The following FRMD4A variants were observed in gnomAD, a reference collection of about 807,000 sequenced individuals.
FRMD4A encodes FERM domain containing 4A.
A neutral mutation model predicts 129.1 loss-of-function variants in FRMD4A; 29 were observed. The ratio of observed to expected loss-of-function variants is 0.22; its 90% CI spans 0.17 to 0.31. FRMD4A has a LOEUF of 0.31. Ranked by LOEUF, FRMD4A falls within the 10% of genes least tolerant of loss-of-function variation. FRMD4A has a pLI of 1.00. For synonymous variants in FRMD4A, 634 were observed against 571.6 expected (o/e 1.11, Z -1.56); for missense variants, 1,272 against 1,375.8 (o/e 0.92, Z 1.19).
intron 2 of FRMD4A, among the ~76,000 whole-genome samples, chr10:14,032,929 A>G (rs1027884472): frequency 2.6e-5 from 4 of 152,222 alleles, no homozygotes; most frequent in Non-Finnish European, 5.9e-5. Context: ...GATATACCCA[A>G]GAGCAATTCA....
At chr10:14,073,962 T>G (rs1588913016) in intron 2 of FRMD4A, among the ~76,000 whole-genome samples, 1 of 152,054 alleles carries the variant, frequency 6.6e-6, no homozygotes, top group African/African-American at 2.4e-5. Context: ...AATACAAAAT[T>G]TAGCCAGGCA....
intron 12 of FRMD4A, chr10:13,729,532 C>G (rs1243235372): frequency 6.6e-6 from 1 of 152,226 alleles, no homozygotes; most frequent in Non-Finnish European, 1.5e-5. Flanking sequence ...ATTTTCCCTT[C>G]CTGTCTCATC....
chr10:13,968,952 C>T (rs1048426587), intron 2 of FRMD4A, among the ~76,000 whole-genome samples: 4 of 152,180 alleles, frequency 2.6e-5, no homozygotes, highest in Admixed American at 6.5e-5. Context: ...TGGCTCTTTC[C>T]TGTGAGACTA....
intron 6 of FRMD4A, among the ~76,000 whole-genome samples, chr10:13,774,202 G>T (rs1000095993): frequency 2.0e-5 from 3 of 152,110 alleles, no homozygotes; most frequent in Admixed American, 1.3e-4. Flanking sequence ...TTAATTTTCT[G>T]CAACTTGGAT....
At chr10:13,900,853 C>T (rs1329787467) in intron 2 of FRMD4A, among the ~76,000 whole-genome samples, 4 of 152,018 alleles carry the variant, frequency 2.6e-5, no homozygotes, top group African/African-American at 7.3e-5. Flanking sequence ...GCCTAGATCA[C>T]GCCACTGTAC....
intron 2 of FRMD4A, among the ~76,000 whole-genome samples, chr10:14,149,427 A>T (rs1285571072): frequency 6.6e-6 from 1 of 151,926 alleles, no homozygotes; most frequent in East Asian, 1.9e-4. Context: ...GTGGTCTTAA[A>T]CTCCTGGGCT....
intron 2 of FRMD4A, among the ~76,000 whole-genome samples, chr10:14,039,359 T>TGTCCGTCC (rs60914319): frequency 0.019 from 2,421 of 128,344 alleles, 49 homozygotes; most frequent in East Asian, 0.047. Context: ...CTTTCTGATC[T>TGTCCGTCC]GTCCGTCCGT....
chr10:13,714,039 T>TATATTTTATATAC (rs2088479716), intron 12 of FRMD4A, among the ~76,000 whole-genome samples: 1 of 2,428 alleles, frequency 4.1e-4, no homozygotes, highest in African/African-American at 1.3e-3. Context: ...TATATATATA[T>TATATTTTATATAC]ATATATATAT....
At chr10:13,896,864 C>T (rs967351098) in intron 2 of FRMD4A, among the ~76,000 whole-genome samples, 12 of 152,108 alleles carry the variant, frequency 7.9e-5, no homozygotes, top group Non-Finnish European at 7.4e-5. Flanking sequence ...GGTCTGTTCC[C>T]CGAAGAGCAG....
chr10:14,271,142 C>G (rs925536368), intron 2 of FRMD4A, among the ~76,000 whole-genome samples: 3 of 152,154 alleles, frequency 2.0e-5, no homozygotes, highest in African/African-American at 7.2e-5. Context: ...TGATGGCTCA[C>G]TTATCACCAA....
chr10:13,833,281 T>C (rs1040001842), intron 3 of FRMD4A, among the ~76,000 whole-genome samples: 3 of 152,202 alleles, frequency 2.0e-5, no homozygotes, highest in South Asian at 2.1e-4. Flanking sequence ...AAGTCTTACA[T>C]GGTGGCAGGC....
intron 2 of FRMD4A, among the ~76,000 whole-genome samples, chr10:13,935,685 CA>C (rs1371429266): frequency 1.3e-5 from 2 of 151,986 alleles, no homozygotes; most frequent in African/African-American, 4.8e-5. Context: ...GCCCTTTTTT[CA>C]GCACCTGCGA....
intron 2 of FRMD4A, among the ~76,000 whole-genome samples, chr10:14,308,480 A>C (rs1846427305): frequency 1.3e-5 from 2 of 152,218 alleles, no homozygotes; most frequent in Admixed American, 1.3e-4. Context: ...AATTAGAAAA[A>C]TAGACTAAAA....
intron 2 of FRMD4A, among the ~76,000 whole-genome samples, chr10:13,992,756 C>T (rs906453974): frequency 4.0e-5 from 6 of 151,848 alleles, no homozygotes; most frequent in Non-Finnish European, 7.4e-5. Flanking sequence ...GAGTTCAAGA[C>T]CAGCTTGACC....
chr10:14,074,367 C>A (rs912273810), intron 2 of FRMD4A: 2 of 152,118 alleles, frequency 1.3e-5, no homozygotes, highest in Non-Finnish European at 2.9e-5. Flanking sequence ...ATGTTTAAGA[C>A]CTGGGTCTTC....
chr10:13,782,140 A>AT (rs749502560), intron 6 of FRMD4A, among the ~76,000 whole-genome samples: 142 of 130,282 alleles, frequency 1.1e-3, no homozygotes, highest in African/African-American at 3.8e-3. Flanking sequence ...GCATTTTACA[A>AT]TTTTTTTTAA....
At chr10:14,313,678 A>G (rs1846636441) in intron 2 of FRMD4A, among the ~76,000 whole-genome samples, 1 of 152,360 alleles carries the variant, frequency 6.6e-6, no homozygotes, top group Non-Finnish European at 1.5e-5. Flanking sequence ...ACAGGGACAG[A>G]TGTTTGTATG....
At chr10:14,152,481 A>C (rs1033439500) in intron 2 of FRMD4A, among the ~76,000 whole-genome samples, 8 of 152,132 alleles carry the variant, frequency 5.3e-5, no homozygotes, top group African/African-American at 9.7e-5. Flanking sequence ...ATAAGTAGAA[A>C]ATTAAAATTA....
intron 8 of FRMD4A, among the ~76,000 whole-genome samples, chr10:13,754,169 AT>A: frequency 6.6e-6 from 1 of 152,284 alleles, no homozygotes. Context: ...ATAACTGAAA[AT>A]ATGATATTTT....
Sources: gnomAD v4.1 joint callset for allele counts (sites outside exome capture counted in the v4.1 genomes callset) on GRCh38, gnomAD v4.1.1 for gene constraint, MANE v1.5 for transcripts, NCBI Gene and HGNC (gene_info 2026-07-23, HGNC 2026-07-21) for gene names.